Variants in CEP126 observed in about 807,000 individuals in gnomAD.
The protein encoded by CEP126 is centrosomal protein 126.
In CEP126, 74 loss-of-function variants were observed where a neutral mutation model predicts 107.8. That is an observed-to-expected ratio of 0.69 (90% CI 0.57 to 0.83). The LOEUF (loss-of-function observed/expected upper bound fraction) is 0.83. CEP126 is among the 40% of genes least tolerant of loss of function. The pLI, the probability that CEP126 is intolerant of heterozygous loss-of-function variation, is 0.00. For synonymous variants in CEP126, 449 were observed against 446.0 expected (o/e 1.01, Z -0.08); for missense variants, 1,237 against 1,281.9 (o/e 0.96, Z 0.53).
chr11:101,995,559 C>T (rs974773100), intron 10 of CEP126, among the ~76,000 whole-genome samples: 1 of 152,184 alleles, frequency 6.6e-6, no homozygotes, highest in Non-Finnish European at 1.5e-5. Flanking sequence ...GGTCCCCTGT[C>T]CTTTGTCCAT....
intron 4 of CEP126, 46 bp downstream of exon 4, chr11:101,948,188 T>A: frequency 1.7e-6 from 2 of 1,192,284 alleles, no homozygotes; most frequent in Non-Finnish European, 2.4e-6. Context: ...AATAATTGTA[T>A]AACCATCTAG....
At chr11:101,989,804 A>G (rs531205028) in intron 9 of CEP126, among the ~76,000 whole-genome samples, 42 of 152,226 alleles carry the variant, frequency 2.8e-4, no homozygotes, top group African/African-American at 9.6e-4. Flanking sequence ...TTAAAAATAC[A>G]AACAAATTAG....
intron 2 of CEP126, among the ~76,000 whole-genome samples, chr11:101,939,700 C>A (rs1940639077): frequency 6.6e-6 from 1 of 152,160 alleles, no homozygotes. Flanking sequence ...CAAGTGTCTG[C>A]CATGTGACAT....
chr11:101,988,575 A>G (rs1247285649), intron 9 of CEP126, among the ~76,000 whole-genome samples: 2 of 152,168 alleles, frequency 1.3e-5, no homozygotes, highest in African/African-American at 4.8e-5. Flanking sequence ...TACATCCACA[A>G]TGAATGTTAA....
intron 2 of CEP126, among the ~76,000 whole-genome samples, chr11:101,925,119 C>T (rs1940387757): frequency 6.6e-6 from 1 of 152,140 alleles, no homozygotes; most frequent in South Asian, 2.1e-4. Flanking sequence ...ACTGGCATCC[C>T]AGAACTTTCT....
intron 10 of CEP126, among the ~76,000 whole-genome samples, chr11:101,996,800 T>TC (rs1941446713): frequency 6.6e-6 from 1 of 152,168 alleles, no homozygotes. Flanking sequence ...GGGGCTAATG[T>TC]TCCCATAGGT....
intron 2 of CEP126, among the ~76,000 whole-genome samples, chr11:101,934,281 T>C (rs1318332081): frequency 6.6e-6 from 1 of 152,126 alleles, no homozygotes; most frequent in Non-Finnish European, 1.5e-5. Flanking sequence ...AGTGTCTGCA[T>C]AGACCATTCA....
chr11:101,920,732 A>G (rs539450810), intron 1 of CEP126, among the ~76,000 whole-genome samples: 40 of 152,114 alleles, frequency 2.6e-4, no homozygotes, highest in Admixed American at 1.2e-3. Flanking sequence ...CAGCCTCCCA[A>G]GTAGCTGGGG....
At chr11:101,922,128 A>C (rs1018720259) in intron 1 of CEP126, among the ~76,000 whole-genome samples, 4 of 149,156 alleles carry the variant, frequency 2.7e-5, no homozygotes, top group African/African-American at 9.9e-5. Context: ...CTCCAGGAAA[A>C]GTGAGCTATA....
At chr11:101,946,944 A>C (rs1348994859) in intron 3 of CEP126, among the ~76,000 whole-genome samples, 1 of 152,166 alleles carries the variant, frequency 6.6e-6, no homozygotes, top group Non-Finnish European at 1.5e-5. Flanking sequence ...TCAATAAATA[A>C]TTTTTAAATT....
intron 6 of CEP126, among the ~76,000 whole-genome samples, chr11:101,972,435 A>G (rs960470349): frequency 1.3e-5 from 2 of 151,868 alleles, no homozygotes; most frequent in East Asian, 2.0e-4. Context: ...CAAAAAAAAC[A>G]ATACCTACAG....
intron 2 of CEP126, among the ~76,000 whole-genome samples, chr11:101,924,587 C>G (rs1195344978): frequency 1.3e-5 from 2 of 152,108 alleles, no homozygotes; most frequent in South Asian, 2.1e-4. Context: ...TGCCTCAACC[C>G]CCCGAATAGC....
chr11:101,952,344 C>T (rs1427635148), intron 4 of CEP126, among the ~76,000 whole-genome samples: 4 of 152,030 alleles, frequency 2.6e-5, no homozygotes, highest in Admixed American at 1.3e-4. Context: ...GAAGCAAACA[C>T]AATATTTATA....
chr11:101,950,805 G>T (rs1940802167), intron 4 of CEP126, among the ~76,000 whole-genome samples: 1 of 152,202 alleles, frequency 6.6e-6, no homozygotes. Flanking sequence ...AATGTAGATT[G>T]TGATCAGATG....
intron 6 of CEP126, among the ~76,000 whole-genome samples, chr11:101,971,543 G>A (rs888160314): frequency 1.3e-5 from 2 of 151,728 alleles, no homozygotes; most frequent in Admixed American, 6.6e-5. Context: ...GGCGGGGGGA[G>A]GTGTTGCGTT....
chr11:101,980,049 TG>T (rs1255225767), intron 7 of CEP126, among the ~76,000 whole-genome samples: 1 of 152,178 alleles, frequency 6.6e-6, no homozygotes, highest in Non-Finnish European at 1.5e-5. Flanking sequence ...GATTTTTATA[TG>T]GATAAGATTA....
chr11:101,939,137 A>T (rs1227729942), intron 2 of CEP126, among the ~76,000 whole-genome samples: 2 of 152,144 alleles, frequency 1.3e-5, no homozygotes, highest in East Asian at 1.9e-4. Context: ...TTTTTTCCAG[A>T]TACTTTTTTC....
intron 4 of CEP126, chr11:101,955,902 A>G (rs1187889071): frequency 6.6e-6 from 3 of 455,986 alleles, no homozygotes; most frequent in African/African-American, 6.0e-5. Context: ...CTTCCTAGCT[A>G]CCCAACTGTT....
chr11:101,997,279 G>A (rs533010142), intron 10 of CEP126, among the ~76,000 whole-genome samples: 4 of 152,212 alleles, frequency 2.6e-5, no homozygotes, highest in African/African-American at 7.2e-5. Context: ...TTCGTGATCC[G>A]CCTGCCTCGG....
Sources: allele counts gnomAD v4.1 joint callset (sites outside exome capture counted in the v4.1 genomes callset), GRCh38; gene constraint gnomAD v4.1.1; transcripts MANE v1.5; gene names NCBI Gene and HGNC (gene_info 2026-07-23, HGNC 2026-07-21).